The following LTA4H variants were observed in gnomAD, a reference collection of about 807,000 sequenced individuals.
The protein encoded by LTA4H is leukotriene A4 hydrolase.
Under a neutral mutation model 89.8 loss-of-function variants are expected in LTA4H, and 59 were observed. The observed-to-expected ratio is 0.66, with a 90% confidence interval of 0.53 to 0.82. The LOEUF is 0.82. Ranked by LOEUF, LTA4H falls within the 40% of genes least tolerant of loss-of-function variation. The pLI is 0.00. For synonymous variants in LTA4H, 227 were observed against 253.1 expected (o/e 0.90, Z 0.98); for missense variants, 617 against 727.0 (o/e 0.85, Z 1.74).
chr12:96,029,937 A>C (rs1037340391), intron 1 of LTA4H, among the ~76,000 whole-genome samples: 2 of 152,126 alleles, frequency 1.3e-5, no homozygotes, highest in African/African-American at 4.8e-5. Flanking sequence ...TAAATATTCT[A>C]GTTTTCCTCC....
chr12:96,035,266 G>T, intron 1 of LTA4H, 95 bp downstream of exon 1: 1 of 1,331,926 alleles, frequency 7.5e-7, no homozygotes, highest in Non-Finnish European at 1.0e-6. Flanking sequence ...AGGGGCCGCG[G>T]CGGGGTGAGC....
chr12:96,019,794 G>A (rs772093875), intron 6 of LTA4H, among the ~76,000 whole-genome samples: 1 of 150,496 alleles, frequency 6.6e-6, no homozygotes, highest in Non-Finnish European at 1.5e-5. Flanking sequence ...TAGAGACAGG[G>A]TTTCACTGTG....
At chr12:96,014,645 T>A (rs1950349903) in intron 12 of LTA4H, among the ~76,000 whole-genome samples, 1 of 152,142 alleles carries the variant, frequency 6.6e-6, no homozygotes, top group African/African-American at 2.4e-5. Context: ...TGAGATTTTT[T>A]AAAAAATGAA....
intron 1 of LTA4H, among the ~76,000 whole-genome samples, chr12:96,032,269 C>T (rs944761739): frequency 1.3e-5 from 2 of 152,236 alleles, no homozygotes; most frequent in Admixed American, 6.5e-5. Flanking sequence ...TCTCCTTCAG[C>T]ATTCCTCAAC....
intron 8 of LTA4H, among the ~76,000 whole-genome samples, chr12:96,018,048 G>A (rs903859289): frequency 9.2e-5 from 14 of 151,708 alleles, no homozygotes; most frequent in African/African-American, 4.8e-5. Flanking sequence ...ACATAGCAGC[G>A]TTCTATGGCC....
At chr12:96,042,901 A>C (rs2136931670) in intron 1 of LTA4H, among the ~76,000 whole-genome samples, 1 of 152,280 alleles carries the variant, frequency 6.6e-6, no homozygotes, top group African/African-American at 2.4e-5. Context: ...CAGCTAAATC[A>C]AACTTATTTC....
At chr12:96,009,421 G>A (rs2072510) in intron 14 of LTA4H, 191,609 of 434,718 alleles carry the variant, frequency 0.44, 45,003 homozygotes, top group African/African-American at 0.73. Flanking sequence ...TCATGTGCTC[G>A]AGTAGTATAT....
chr12:96,013,584 AG>A (rs1378917935), intron 13 of LTA4H, among the ~76,000 whole-genome samples, 165 bp downstream of exon 13: 3 of 152,212 alleles, frequency 2.0e-5, no homozygotes, highest in Non-Finnish European at 4.4e-5. Context: ...TTCTACAGGT[AG>A]TTCATGTGGT....
chr12:96,017,023 A>C, intron 10 of LTA4H, 21 bp downstream of exon 10: 1 of 1,559,128 alleles, frequency 6.4e-7, no homozygotes, highest in Non-Finnish European at 8.8e-7. Context: ...ACCAATAAAG[A>C]AATAATAACA....
rs368720760 is a variant in LTA4H, at chr12:96,022,130, A to G, written c.585+17T>C. 2.7e-5 allele frequency: 43 copies of G among 1,575,378 alleles called. No individual in the cohort carries two copies. Among genetic ancestry groups the G allele is most frequent in the Non-Finnish European group, 3.5e-5 (40 of 1,146,456 alleles). The stretch of plus-strand genomic sequence containing the variant: ...TTACCGCCAATGAAAACAAAAATCT[A>G]GACCCTAGGATCTTACTTTTTGGAT... On this transcript the variant is annotated intron_variant, in intron 5 of 18. Coordinates refer to ENST00000228740, the MANE Select transcript of LTA4H (RefSeq NM_000895.3). This position sits in a 1 kb window ranked among gnomAD's most constrained non-coding sequence, Gnocchi z 4.0.
chr12:96,043,468 A>G (rs1950704443), exon 1 of LTA4H: 3 of 789,426 alleles, frequency 3.8e-6, no homozygotes, highest in Non-Finnish European at 6.3e-6. Context: ...TTGCTTTAAA[A>G]GACAAACATG....
At chr12:96,034,926 A>G (rs1950619894) in intron 1 of LTA4H, among the ~76,000 whole-genome samples, 1 of 152,192 alleles carries the variant, frequency 6.6e-6, no homozygotes, top group African/African-American at 2.4e-5. Context: ...GGGCCTGAAG[A>G]AGGGGGTTCT....
chr12:96,004,292 T>G (rs934396447), intron 16 of LTA4H, among the ~76,000 whole-genome samples: 15 of 152,226 alleles, frequency 9.9e-5, no homozygotes, highest in Admixed American at 9.2e-4. Flanking sequence ...GAAATCATAG[T>G]TCCTTAATTT....
intron 1 of LTA4H, among the ~76,000 whole-genome samples, chr12:96,031,329 C>CA (rs1421266122): frequency 2.6e-5 from 4 of 152,054 alleles, no homozygotes; most frequent in Non-Finnish European, 5.9e-5. Flanking sequence ...CAAGAGAAAA[C>CA]AAAAAATGCA....
chr12:96,017,088 G>A lies in LTA4H; in HGVS notation c.903C>T (p.Ser301=). 6.2e-7 allele frequency: 1 copy of A among 1,611,652 alleles called. No individual in the cohort carries two copies. The highest frequency in any genetic ancestry group is 1.1e-5 in the South Asian group (1 of 90,996). The change falls in exon 10 of 19, where the codon AGC becomes AGT. Residue 301 remains serine (S), a synonymous_variant. Transcript: ENST00000228740. The stretch of plus-strand genomic sequence containing the variant: ...TGTTGGTCACTAGATTCCCTGTCCA[G>A]CTATGAGATATTTCATGTGCAATGA... The part of the protein sequence containing the change: ...SNVIAHEISH[S]WTGNLVTNKT...
At chr12:96,043,221 T>C in intron 1 of LTA4H, 1 of 1,149,092 alleles carries the variant, frequency 8.7e-7, no homozygotes, top group Non-Finnish European at 1.3e-6. Flanking sequence ...GGGAGGTGAA[T>C]TGAAGGGGTA....
At chr12:96,003,804 C>G (rs375902834) in intron 17 of LTA4H, 34 bp downstream of exon 17, 1 of 1,499,102 alleles carries the variant, frequency 6.7e-7, no homozygotes, top group African/African-American at 1.4e-5. Context: ...TAGTTTTCTG[C>G]TTTCTTCCAC....
intron 14 of LTA4H, 169 bp from the exon 15 acceptor site, chr12:96,009,317 C>T: frequency 1.7e-6 from 1 of 571,756 alleles, no homozygotes; most frequent in East Asian, 2.9e-5. Context: ...CTACTGGCAT[C>T]ATCCAAGAAC....
Position 96,015,636 on chromosome 12 carries a change from C to T in LTA4H, c.1006G>A (p.Glu336Lys). ...ERHICGRLFG[E>K]KFRHFNALGG... ...AGAGCATTAAAATGTCTGAACTTTT[C>T]ACCAAACAATCGTCCGCAAATGTGG... The change falls in exon 11 of 19, where the codon GAA becomes AAA. Residue 336 changes from glutamate (E) to lysine (K), a missense_variant. Physicochemically the swap from Glu to Lys is moderately conservative, Grantham distance 56. This residue lies in a region of LTA4H where 290 missense variants were observed against 339.1 expected (regional missense o/e 0.86). Transcript: ENST00000228740. 1 of 1,614,128 alleles carries T rather than the reference C, an allele frequency of 6.2e-7. No homozygotes were observed. Among genetic ancestry groups the T allele is most frequent in the Non-Finnish European group, 8.5e-7 (1 of 1,179,984 alleles).
Sources: gnomAD v4.1 joint callset for allele counts (sites outside exome capture counted in the v4.1 genomes callset) on GRCh38, gnomAD v4.1.1 for gene constraint, gnomAD v4.1.1 regional missense constraint, Gnocchi (gnomAD v3.1) non-coding constraint, MANE v1.5 for transcripts, NCBI Gene and HGNC (gene_info 2026-07-23, HGNC 2026-07-21) for gene names.